The following KMT2E variants were observed in gnomAD, a reference collection of about 807,000 sequenced individuals.
KMT2E encodes the protein histone reader KMT2E.
KMT2E carries 30 observed loss-of-function variants against 184.6 expected under a neutral mutation model. The observed-to-expected ratio is 0.16, with a 90% CI of 0.12 to 0.22. The LOEUF (loss-of-function observed/expected upper bound fraction) is 0.22, where lower values mean the gene tolerates loss of function less well. KMT2E is among the 10% of genes least tolerant of loss of function. KMT2E has a pLI of 1.00. For synonymous variants in KMT2E, 815 were observed against 776.5 expected (o/e 1.05, Z -0.82); for missense variants, 2,023 against 2,237.4 (o/e 0.90, Z 1.93).
At chr7:105,050,051 ATTAGATCAT>A (rs1796266158) in intron 3 of KMT2E, among the ~76,000 whole-genome samples, 1 of 152,032 alleles carries the variant, frequency 6.6e-6, no homozygotes, top group Non-Finnish European at 1.5e-5. Context: ...CAGTTTCTCT[ATTAGATCAT>A]TCCTATCACA....
At chr7:105,069,767 T>A (rs1366119764) in intron 6 of KMT2E, among the ~76,000 whole-genome samples, 1 of 152,226 alleles carries the variant, frequency 6.6e-6, no homozygotes, top group Admixed American at 6.5e-5. Flanking sequence ...ACAGTCACTC[T>A]ATAGAACATT....
chr7:105,028,443 A>G (rs530358588), intron 1 of KMT2E, among the ~76,000 whole-genome samples: 5 of 152,282 alleles, frequency 3.3e-5, no homozygotes, highest in African/African-American at 1.2e-4. Context: ...CTAGGATTAC[A>G]GGCATGAGCC....
intron 17 of KMT2E, chr7:105,104,436 C>A (rs1798802208): frequency 6.6e-6 from 1 of 152,140 alleles, no homozygotes; most frequent in Non-Finnish European, 1.5e-5. Context: ...GCCTGCAATC[C>A]CAACATTTGG....
chr7:105,051,148 CCTTCCTCCCTTT>C (rs1467549872), intron 3 of KMT2E, among the ~76,000 whole-genome samples: 1 of 150,178 alleles, frequency 6.7e-6, no homozygotes, highest in African/African-American at 2.5e-5. Flanking sequence ...TCCCTCCCTT[CCTTCCTCCCTTT>C]CTTCCTTCCT....
In KMT2E at chr7:105,112,254, T is replaced by A; in HGVS notation, c.4498T>A (p.Tyr1500Asn). Residue 1500 changes from tyrosine to asparagine, a missense_variant, in exon 27 of 27, where the codon TAT becomes AAT. Tyr to Asn is a moderately radical substitution (Grantham distance 143). Coordinates refer to ENST00000311117, the MANE Select transcript of KMT2E (RefSeq NM_182931.3). ...TPQREPQRNF[Y>N]PAAQNLPANT... ...TCAGCGAGAGCCTCAAAGAAACTTT[T>A]ATCCAGCAGCACAGAACCTTCCAGC... The A allele has an allele frequency of 6.2e-7, 1 of 1,614,144 alleles. No homozygotes were observed. The highest frequency in any genetic ancestry group is 8.5e-7 in the Non-Finnish European group (1 of 1,180,034).
chr7:105,112,410 CCTT>C lies in KMT2E; in HGVS notation c.4659_4661del (p.Ser1555del), dbSNP rs748335836. The C allele has an allele frequency of 3.1e-6, 5 of 1,613,124 alleles. No individual in the cohort carries two copies. Among genetic ancestry groups the C allele is most frequent in the Non-Finnish European group, 4.2e-6 (5 of 1,179,932 alleles). ...ACCACCCCCTCCACCTCCTCCACCT[CCTT>C]CTTCGTCTTACTATCAAAACCAGCA... On this transcript the variant is annotated inframe_deletion, in exon 27 of 27. Coordinates refer to ENST00000311117, the MANE Select transcript of KMT2E (RefSeq NM_182931.3).
intron 12 of KMT2E, among the ~76,000 whole-genome samples, chr7:105,081,240 C>T (rs972945494): frequency 4.6e-5 from 7 of 151,714 alleles, no homozygotes; most frequent in African/African-American, 1.2e-4. Context: ...AAAAATAAGC[C>T]GGGCATGGTG....
chr7:105,100,726 T>C (rs184285750), intron 15 of KMT2E, among the ~76,000 whole-genome samples: 5 of 152,174 alleles, frequency 3.3e-5, no homozygotes, highest in Non-Finnish European at 5.9e-5. Flanking sequence ...GTAGAAATAA[T>C]AATTAACATA....
intron 1 of KMT2E, among the ~76,000 whole-genome samples, chr7:105,033,226 G>C (rs1795497933): frequency 6.6e-6 from 1 of 152,198 alleles, no homozygotes; most frequent in African/African-American, 2.4e-5. Context: ...AGGATGCCTA[G>C]ATTTCTGTGT....
rs1387526100 is a variant in KMT2E at position 105,112,204 on chromosome 7, C to T, written c.4448C>T (p.Ser1483Leu). The T allele has an allele frequency of 3.7e-6, 6 of 1,614,042 alleles. No homozygotes were observed. Among genetic ancestry groups the T allele is most frequent in the Non-Finnish European group, 5.1e-6 (6 of 1,180,026 alleles). ...QLGSPYRPHH[S>L]QSPQVGTPQR... ...GGATCTCCCTACAGGCCTCATCATT[C>T]ACAGTCACCTCAAGTTGGAACACCT... The change falls in exon 27 of 27, where the codon TCA becomes TTA. Residue 1483 changes from serine to leucine, a missense_variant. Ser to Leu is a moderately radical substitution (Grantham distance 145, BLOSUM62 -2). Around this residue, in one of 8 missense-constraint regions of KMT2E, gnomAD observed 1,108 missense variants for 1,050.9 expected, o/e 1.05. Coordinates refer to ENST00000311117, the MANE Select transcript of KMT2E (RefSeq NM_182931.3).
rs147336896 is a variant in KMT2E at position 105,092,493 on chromosome 7, C to G, written c.1722+1179C>G. 9.9e-4 allele frequency among the ~76,000 whole-genome samples: 150 copies of G among 152,202 alleles called. 2 individuals carry two copies. Among genetic ancestry groups the G allele is most frequent in the African/African-American group, 3.4e-3 (142 of 41,522 alleles). On this transcript the variant is annotated intron_variant, in intron 15 of 26. Coordinates refer to ENST00000311117, the MANE Select transcript of KMT2E (RefSeq NM_182931.3). ...TTCTAATATTGATGAATTATTGATA[C>G]TCAAAATTCTGAAAACTATAAAGAA...
rs768884996 is a variant in KMT2E at position 105,063,597 on chromosome 7, CATT to C, written c.416+21_416+23del. On this transcript the variant is annotated intron_variant, in intron 5 of 26. Coordinates refer to ENST00000311117, the MANE Select transcript of KMT2E (RefSeq NM_182931.3). ...CAAATGCAGGTAAAATATTTTACAC[CATT>C]ATTTTATTTTTCTTGAATGCTGATA... 6.8e-6 allele frequency: 10 copies of C among 1,463,810 alleles called. No individual in the cohort carries two copies. Among genetic ancestry groups the C allele is most frequent in the African/African-American group, 1.4e-5 (1 of 70,238 alleles). The allele number at this position is 1,463,810 out of a possible 1,614,324, so 90.7% of individuals were successfully genotyped here. A position where few individuals can be genotyped will look rare whatever the true frequency, so the allele number is the denominator to read the frequency against.
Position 105,031,282 on chromosome 7 carries a change from G to C in KMT2E, c.-188-6844G>C, listed in dbSNP as rs375338183. Among the ~76,000 whole-genome samples, 519 of 151,736 alleles carry C rather than the reference G, an allele frequency of 3.4e-3. 4 individuals carry two copies. Among genetic ancestry groups the C allele is most frequent in the Non-Finnish European group, 6.1e-3 (414 of 67,890 alleles). On this transcript the variant is annotated intron_variant, in intron 1 of 26. Coordinates refer to ENST00000311117, the MANE Select transcript of KMT2E (RefSeq NM_182931.3). ...TGAGGCAGGACAATCGCTTGATCCTGGGAGGTGGAGGTTGCAGTGAGCCAA... is the reference window on the plus strand; with the variant it reads ...TGAGGCAGGACAATCGCTTGATCCTCGGAGGTGGAGGTTGCAGTGAGCCAA...
chr7:105,079,223 C>T (rs1209338310), intron 12 of KMT2E, among the ~76,000 whole-genome samples: 1 of 151,074 alleles, frequency 6.6e-6, no homozygotes, highest in African/African-American at 2.4e-5. Context: ...TAACCTCCGT[C>T]TTCCGGGCTC....
intron 1 of KMT2E, among the ~76,000 whole-genome samples, chr7:105,027,596 G>T (rs1795224868): frequency 6.6e-6 from 1 of 152,024 alleles, no homozygotes. Flanking sequence ...ATTCATTTTT[G>T]TGTGTAAAGT....
At chr7:105,026,879 T>G (rs1427480180) in intron 1 of KMT2E, among the ~76,000 whole-genome samples, 1 of 152,160 alleles carries the variant, frequency 6.6e-6, no homozygotes, top group East Asian at 1.9e-4. Flanking sequence ...TACAGAAGTT[T>G]AAAATTGGTA....
At chr7:105,109,404 C>A (rs1267164275) in intron 23 of KMT2E, among the ~76,000 whole-genome samples, 176 bp downstream of exon 23, 1 of 152,144 alleles carries the variant, frequency 6.6e-6, no homozygotes, top group Non-Finnish European at 1.5e-5. Context: ...TCTTAAATGT[C>A]GATTGTATTT....
chr7:105,049,855 C>T (rs576090068), intron 3 of KMT2E, among the ~76,000 whole-genome samples: 1 of 152,242 alleles, frequency 6.6e-6, no homozygotes, highest in East Asian at 1.9e-4. Context: ...CATGCCACTG[C>T]ACTCCAGCCT....
At chr7:105,111,597 A>G (rs1799281231) in intron 26 of KMT2E, among the ~76,000 whole-genome samples, 1 of 152,156 alleles carries the variant, frequency 6.6e-6, no homozygotes. Context: ...TGTCTTCAAT[A>G]AAAATTAACC....
Sources: gnomAD v4.1 joint callset for allele counts (sites outside exome capture counted in the v4.1 genomes callset) on GRCh38, gnomAD v4.1.1 for gene constraint, gnomAD v4.1.1 regional missense constraint, MANE v1.5 for transcripts, NCBI Gene and HGNC (gene_info 2026-07-23, HGNC 2026-07-21) for gene names.